Variants in DCAF4L1 observed in about 807,000 individuals in gnomAD.
DCAF4L1 encodes DDB1 and CUL4 associated factor 4 like 1.
DCAF4L1 carries 4 observed loss-of-function variants against 28.2 expected under a neutral mutation model. The ratio of observed to expected loss-of-function variants is 0.14; its 90% CI spans 0.07 to 0.33. DCAF4L1 has a LOEUF of 0.33. Ranked by LOEUF, DCAF4L1 falls within the 10% of genes least tolerant of loss-of-function variation. The pLI is 1.00. For missense variants in DCAF4L1, 331 were observed against 506.1 expected (o/e 0.65, Z 3.32); for synonymous variants, 252 against 212.1 (o/e 1.19, Z -1.63).
Position 41,984,341 on chromosome 4 carries a change from A to T in DCAF4L1, c.*1358A>T, listed in dbSNP as rs1209509114. 6.0e-6 allele frequency: 1 copy of T among 167,038 alleles called. No individual in the cohort carries two copies. Among genetic ancestry groups the T allele is most frequent in the Non-Finnish European group, 1.5e-5 (1 of 68,110 alleles). The allele number at this position is 167,038 out of a possible 1,614,324, so 10.3% of individuals were successfully genotyped here. ...CCTGCATGTGTGAGAAGTAGAAATG[A>T]TCAGAAATGATTGCATTGGAAGATC... is the stretch of plus-strand genomic sequence containing the variant. On this transcript the variant is annotated 3_prime_UTR_variant, in exon 1 of 1. Transcript: ENST00000333141.
At position 41,982,434 on chromosome 4, in the gene DCAF4L1, G is replaced by T. The variant is rs769274273; in HGVS notation, c.642G>T (p.Ala214=). 3 of 1,613,998 alleles carry T rather than the reference G, an allele frequency of 1.9e-6. No homozygotes were observed. Among genetic ancestry groups the T allele is most frequent in the Non-Finnish European group, 2.5e-6 (3 of 1,180,036 alleles). ...AGCAGGTCCTGTTGACCAGCGTGGC[G>T]ACGGGACACCAGCAGTCATTTGATA... ...LSQQVLLTSV[A]TGHQQSFDTS... The change falls in exon 1 of 1, where the codon GCG becomes GCT. Residue 214 remains alanine, a synonymous_variant. Transcript: ENST00000333141. The surrounding 1 kb of genome is among the most constrained non-coding windows in gnomAD (Gnocchi z 4.4).
In DCAF4L1 at chr4:41,982,371, C is replaced by T. The variant is rs999352824; in HGVS notation, c.579C>T (p.Asn193=). The T allele has an allele frequency of 1.2e-6, 2 of 1,614,246 alleles. No individual in the cohort carries two copies. The highest frequency in any genetic ancestry group is 1.3e-5 in the African/African-American group (1 of 75,066). Residue 193 remains asparagine, a synonymous_variant, in exon 1 of 1, where the codon AAC becomes AAT. Transcript: ENST00000333141. This position sits in a 1 kb window ranked among gnomAD's most constrained non-coding sequence, Gnocchi z 4.4. ...CCTGGTCCTGTGCGTGGTCCCTCAA[C>T]ACCCGGGCATATCACTGCTTTAGTG... ...PEAWSCAWSL[N]TRAYHCFSAG... is the part of the protein sequence containing the mutation.
chr4:41,986,340 T>C lies in DCAF4L1; in HGVS notation c.*3357T>C, dbSNP rs1003192274. On this transcript the variant is annotated 3_prime_UTR_variant, in exon 1 of 1. Transcript: ENST00000333141. Reference sequence around the variant, plus strand: ...GGATATGGTTGTTACTGCTGTCAGGTGCATCCTCTCTATAGCGGGGTACTG... The same window carrying C: ...GGATATGGTTGTTACTGCTGTCAGGCGCATCCTCTCTATAGCGGGGTACTG... 6.3e-6 allele frequency: 1 copy of C among 159,876 alleles called. No individual in the cohort carries two copies. Among genetic ancestry groups the C allele is most frequent in the Non-Finnish European group, 1.5e-5 (1 of 65,468 alleles). The allele number at this position is 159,876 out of a possible 1,614,324, so 9.9% of individuals were successfully genotyped here. A position where few individuals can be genotyped will look rare whatever the true frequency, so the allele number is the denominator to read the frequency against.
rs1386587045 is a variant in DCAF4L1 at position 41,983,252 on chromosome 4, A to AG, written c.*269_*270insG. 3.9e-6 allele frequency: 1 copy of AG among 256,362 alleles called. No individual in the cohort carries two copies. The highest frequency in any genetic ancestry group is 7.8e-5 in the East Asian group (1 of 12,848). 15.9% of individuals were successfully genotyped at this position (256,362 alleles called of 1,614,324 possible). A position where few individuals can be genotyped will look rare whatever the true frequency, so the allele number is the denominator to read the frequency against. On this transcript the variant is annotated 3_prime_UTR_variant, in exon 1 of 1. Transcript: ENST00000333141. ...CTTAGAACAGTTAACCACCTCCCCA[A>AG]CCCTTTTTTTTTTTAAATAATTAAG...
chr4:41,983,011 T>G lies in DCAF4L1; in HGVS notation c.*28T>G, dbSNP rs756541538. On this transcript the variant is annotated 3_prime_UTR_variant, in exon 1 of 1. Transcript: ENST00000333141. ...CTGCAGGTGGCAGCGCGGCCGAATGTGGATTTGACTTAAGGAAGTTAAGAG... is the reference window on the plus strand; with the variant it reads ...CTGCAGGTGGCAGCGCGGCCGAATGGGGATTTGACTTAAGGAAGTTAAGAG... 5 of 1,556,490 alleles carry G rather than the reference T, an allele frequency of 3.2e-6. No individual in the cohort carries two copies. Among genetic ancestry groups the G allele is most frequent in the Non-Finnish European group, 4.4e-6 (5 of 1,148,258 alleles).
rs1714092537 is a variant in DCAF4L1 at position 41,984,602 on chromosome 4, G to A, written c.*1619G>A. On this transcript the variant is annotated 3_prime_UTR_variant, in exon 1 of 1. Coordinates refer to ENST00000333141, the MANE Select transcript of DCAF4L1 (RefSeq NM_001029955.4). The stretch of plus-strand genomic sequence containing the variant: ...TTTACTAACCTGGGGAGGATGAGGA[G>A]AAAAAACTTTAGGTGAAGGGAATGA... 1 of 166,912 alleles carries A rather than the reference G, an allele frequency of 6.0e-6. No individual in the cohort carries two copies. The highest frequency in any genetic ancestry group is 2.4e-5 in the African/African-American group (1 of 41,384). 10.3% of individuals were successfully genotyped at this position (166,912 alleles called of 1,614,324 possible). A position where few individuals can be genotyped will look rare whatever the true frequency, so the allele number is the denominator to read the frequency against.
rs1340824363 is a variant in DCAF4L1, at chr4:41,985,949, C to T, written c.*2966C>T. ...TGTCATGCCAGACCCCTAGTGACTC[C>T]AATAGTAATGGCACTGTGTCCGAGA... On this transcript the variant is annotated 3_prime_UTR_variant, in exon 1 of 1. Transcript: ENST00000333141. 6.0e-6 allele frequency: 1 copy of T among 167,052 alleles called. No individual in the cohort carries two copies. Among genetic ancestry groups the T allele is most frequent in the South Asian group, 2.1e-4 (1 of 4,836 alleles). 10.3% of individuals were successfully genotyped at this position (167,052 alleles called of 1,614,324 possible).
rs575545179 is a variant in DCAF4L1 at position 41,981,811 on chromosome 4, C to A, written c.19C>A (p.Arg7=). The A allele has an allele frequency of 5.0e-6, 8 of 1,613,886 alleles. No homozygotes were observed. The highest frequency in any genetic ancestry group is 6.8e-6 in the Non-Finnish European group (8 of 1,179,858). Residue 7 remains arginine, a synonymous_variant, in exon 1 of 1, where the codon CGA becomes AGA. Transcript: ENST00000333141. The part of the protein sequence containing the change: MEAERL[R]LLEEEAKLKK... ...GGAGGAAATGGAGGCTGAAAGGCTG[C>A]GACTCCTCGAGGAAGAGGCCAAGCT...
rs1334584579 is a variant in DCAF4L1 at position 41,986,352 on chromosome 4, A to C, written c.*3369A>C. ...TACTGCTGTCAGGTGCATCCTCTCTATAGCGGGGTACTGGCTACACAGTTT... is the reference window on the plus strand; with the variant it reads ...TACTGCTGTCAGGTGCATCCTCTCTCTAGCGGGGTACTGGCTACACAGTTT... On this transcript the variant is annotated 3_prime_UTR_variant, in exon 1 of 1. Transcript: ENST00000333141. 1 of 126,328 alleles carries C rather than the reference A, an allele frequency of 7.9e-6. No homozygotes were observed. The highest frequency in any genetic ancestry group is 2.1e-5 in the Non-Finnish European group (1 of 46,818). The allele number at this position is 126,328 out of a possible 1,614,324, so 7.8% of individuals were successfully genotyped here. A position where few individuals can be genotyped will look rare whatever the true frequency, so the allele number is the denominator to read the frequency against.
At position 41,982,461 on chromosome 4, in the gene DCAF4L1, C is replaced by T. The variant is rs539660681; in HGVS notation, c.669C>T (p.Thr223=). The change falls in exon 1 of 1, where the codon ACC becomes ACT. Residue 223 remains threonine (T), a synonymous_variant. Coordinates refer to ENST00000333141, the MANE Select transcript of DCAF4L1 (RefSeq NM_001029955.4). The surrounding 1 kb of genome is among the most constrained non-coding windows in gnomAD (Gnocchi z 4.4). ...VATGHQQSFD[T]SSDVLAQQFA... is the part of the protein sequence containing the mutation. ...CGGGACACCAGCAGTCATTTGATAC[C>T]AGCAGTGATGTCTTGGCCCAGCAGT... 6.2e-7 allele frequency: 1 copy of T among 1,614,172 alleles called. No homozygotes were observed. The highest frequency in any genetic ancestry group is 1.7e-5 in the Admixed American group (1 of 60,020).
In DCAF4L1 at chr4:41,982,180, CTG is replaced by C; in HGVS notation, c.391_392del (p.Cys131LeufsTer41). 1 of 1,614,232 alleles carries C rather than the reference CTG, an allele frequency of 6.2e-7. No individual in the cohort carries two copies. The highest frequency in any genetic ancestry group is 2.2e-5 in the East Asian group (1 of 44,888). On this transcript the variant is annotated frameshift_variant, in exon 1 of 1. Transcript: ENST00000333141. LOFTEE classifies it high-confidence loss of function. The surrounding 1 kb of genome is among the most constrained non-coding windows in gnomAD (Gnocchi z 4.4). ...LYVPNRKVKS[L>X]CWASLNQLDS... ...CGTCCCCAACCGGAAGGTGAAGTCC[CTG>C]TGCTGGGCCTCGCTGAACCAGTTGG... is the stretch of plus-strand genomic sequence containing the variant.
Position 41,982,334 on chromosome 4 carries a change from A to C in DCAF4L1, c.542A>C (p.Gln181Pro), listed in dbSNP as rs764486315. The C allele has an allele frequency of 2.5e-6, 4 of 1,614,086 alleles. No homozygotes were observed. In the East Asian group the frequency reaches 8.9e-5, roughly 36 times the overall value. ...CAGCCTGGCATGCTCTGCAGTTTCC[A>C]GATCCCAGAGGCCTGGTCCTGTGCG... ...VNQPGMLCSF[Q>P]IPEAWSCAWS... is the part of the protein sequence containing the mutation. The change falls in exon 1 of 1, where the codon CAG (glutamine) becomes CCG (proline). Residue 181 changes from glutamine to proline, a missense_variant. By Grantham distance (76) the Gln-to-Pro change is moderately conservative (BLOSUM62 -1). Coordinates refer to ENST00000333141, the MANE Select transcript of DCAF4L1 (RefSeq NM_001029955.4). The surrounding 1 kb of genome is among the most constrained non-coding windows in gnomAD (Gnocchi z 4.4).
chr4:41,982,345 GC>G lies in DCAF4L1; in HGVS notation c.555del (p.Trp186GlyfsTer25). 1 of 1,614,184 alleles carries G rather than the reference GC, an allele frequency of 6.2e-7. No individual in the cohort carries two copies. Among genetic ancestry groups the G allele is most frequent in the South Asian group, 1.1e-5 (1 of 91,078 alleles). Reference sequence around the variant, plus strand: ...GCTCTGCAGTTTCCAGATCCCAGAGGCCTGGTCCTGTGCGTGGTCCCTCAAC... The same window carrying G: ...GCTCTGCAGTTTCCAGATCCCAGAGGCTGGTCCTGTGCGTGGTCCCTCAAC... Reference protein sequence around the residue: ...GMLCSFQIPEAWSCAWSLNTR... With the variant: ...GMLCSFQIPEXWSCAWSLNTR... On this transcript the variant is annotated frameshift_variant, in exon 1 of 1. Transcript: ENST00000333141. LOFTEE classifies it high-confidence loss of function. This position sits in a 1 kb window ranked among gnomAD's most constrained non-coding sequence, Gnocchi z 4.4.
At position 41,985,479 on chromosome 4, in the gene DCAF4L1, A is replaced by G. The variant is rs565463866; in HGVS notation, c.*2496A>G. Reference sequence around the variant, plus strand: ...AGTTGTGAGCAAATAGAACTTTCATATACTGTTGAGTGTATACTGGTACAA... The same window carrying G: ...AGTTGTGAGCAAATAGAACTTTCATGTACTGTTGAGTGTATACTGGTACAA... On this transcript the variant is annotated 3_prime_UTR_variant, in exon 1 of 1. Coordinates refer to ENST00000333141, the MANE Select transcript of DCAF4L1 (RefSeq NM_001029955.4). The G allele has an allele frequency of 2.4e-5, 4 of 167,250 alleles. No individual in the cohort carries two copies. The East Asian group carries it at 5.8e-4, about 24-fold the overall frequency. 10.4% of individuals were successfully genotyped at this position (167,250 alleles called of 1,614,324 possible).
Position 41,983,715 on chromosome 4 carries a change from G to A in DCAF4L1, c.*732G>A, listed in dbSNP as rs1383672852. ...ACTTGAAGTTCAGATTCAAGGAATTGGCTTTGACTTTTTGTAATCTAGGAG... is the reference window on the plus strand; with the variant it reads ...ACTTGAAGTTCAGATTCAAGGAATTAGCTTTGACTTTTTGTAATCTAGGAG... On this transcript the variant is annotated 3_prime_UTR_variant, in exon 1 of 1. Coordinates refer to ENST00000333141, the MANE Select transcript of DCAF4L1 (RefSeq NM_001029955.4). The A allele has an allele frequency of 6.0e-6, 1 of 166,962 alleles. No homozygotes were observed. Among genetic ancestry groups the A allele is most frequent in the Admixed American group, 6.5e-5 (1 of 15,268 alleles). 10.3% of individuals were successfully genotyped at this position (166,962 alleles called of 1,614,324 possible).
rs184052654 is a variant in DCAF4L1, at chr4:41,983,888, G to C, written c.*905G>C. 1.2e-4 allele frequency: 20 copies of C among 166,728 alleles called. 1 individual carries two copies. The highest frequency in any genetic ancestry group is 4.8e-4 in the African/African-American group (20 of 41,570). The allele number at this position is 166,728 out of a possible 1,614,324, so 10.3% of individuals were successfully genotyped here. On this transcript the variant is annotated 3_prime_UTR_variant, in exon 1 of 1. Transcript: ENST00000333141. ...CTGAATTTCGAAAATGCTAAAATTCGTGATATAATCATACAATCGGATACT... is the reference window on the plus strand; with the variant it reads ...CTGAATTTCGAAAATGCTAAAATTCCTGATATAATCATACAATCGGATACT...
Position 41,983,937 on chromosome 4 carries a change from C to T in DCAF4L1, c.*954C>T, listed in dbSNP as rs1285865704. On this transcript the variant is annotated 3_prime_UTR_variant, in exon 1 of 1. Coordinates refer to ENST00000333141, the MANE Select transcript of DCAF4L1 (RefSeq NM_001029955.4). ...CTGCATAATAATAGAAAATAAGGCA[C>T]ACTTGCTATGTGAAACAGTATGGAC... 6.0e-6 allele frequency: 1 copy of T among 165,902 alleles called. No individual in the cohort carries two copies. Among genetic ancestry groups the T allele is most frequent in the Non-Finnish European group, 1.5e-5 (1 of 68,112 alleles). The allele number at this position is 165,902 out of a possible 1,614,324, so 10.3% of individuals were successfully genotyped here. A position where few individuals can be genotyped will look rare whatever the true frequency, so the allele number is the denominator to read the frequency against.
At position 41,986,460 on chromosome 4, in the gene DCAF4L1, A is replaced by T. The variant is rs1018201448; in HGVS notation, c.*3477A>T. 1 of 164,182 alleles carries T rather than the reference A, an allele frequency of 6.1e-6. No homozygotes were observed. Among genetic ancestry groups the T allele is most frequent in the Non-Finnish European group, 1.5e-5 (1 of 68,092 alleles). The allele number at this position is 164,182 out of a possible 1,614,324, so 10.2% of individuals were successfully genotyped here. On this transcript the variant is annotated 3_prime_UTR_variant, in exon 1 of 1. Transcript: ENST00000333141. ...ATACTTCAATAAAAAGTTAAATTTTAAAAAACCTAGTAAGACTTTCTCTTG... is the reference window on the plus strand; with the variant it reads ...ATACTTCAATAAAAAGTTAAATTTTTAAAAACCTAGTAAGACTTTCTCTTG...
rs1467392111 is a variant in DCAF4L1, at chr4:41,985,482, C to T, written c.*2499C>T. Reference sequence around the variant, plus strand: ...TGTGAGCAAATAGAACTTTCATATACTGTTGAGTGTATACTGGTACAAGCA... The same window carrying T: ...TGTGAGCAAATAGAACTTTCATATATTGTTGAGTGTATACTGGTACAAGCA... On this transcript the variant is annotated 3_prime_UTR_variant, in exon 1 of 1. Transcript: ENST00000333141. 6.0e-6 allele frequency: 1 copy of T among 167,056 alleles called. No individual in the cohort carries two copies. Among genetic ancestry groups the T allele is most frequent in the Admixed American group, 6.5e-5 (1 of 15,274 alleles). The allele number at this position is 167,056 out of a possible 1,614,324, so 10.3% of individuals were successfully genotyped here. A position where few individuals can be genotyped will look rare whatever the true frequency, so the allele number is the denominator to read the frequency against.
Sources: gnomAD v4.1 joint callset for allele counts on GRCh38, gnomAD v4.1.1 for gene constraint, Gnocchi (gnomAD v3.1) non-coding constraint, MANE v1.5 for transcripts, NCBI Gene and HGNC (gene_info 2026-07-23, HGNC 2026-07-21) for gene names.